RBM33: variants seen among roughly 807,000 people sequenced by gnomAD.
RBM33 encodes RNA-binding protein 33.
A neutral mutation model predicts 132.6 loss-of-function variants in RBM33; 28 were observed. That is an observed-to-expected ratio of 0.21 (90% CI 0.16 to 0.29). The LOEUF is 0.29. RBM33 is among the 10% of genes least tolerant of loss of function. The pLI, the probability that RBM33 is intolerant of heterozygous loss-of-function variation, is 1.00. For synonymous variants in RBM33, 634 were observed against 593.0 expected (o/e 1.07, Z -1.01); for missense variants, 1,291 against 1,518.5 (o/e 0.85, Z 2.49).
At chr7:155,696,880 C>T (rs1799807769) in intron 5 of RBM33, among the ~76,000 whole-genome samples, 2 of 152,066 alleles carry the variant, frequency 1.3e-5, no homozygotes, top group African/African-American at 2.4e-5. Flanking sequence ...GAAGTGCTGG[C>T]CGAGTATGCT....
rs754177553 is a variant in RBM33, at chr7:155,739,879, G to GCAC, written c.1922_1924dup (p.His641dup). 731 of 1,386,414 alleles carry GCAC rather than the reference G, an allele frequency of 5.3e-4. 1 individual carries two copies. Among genetic ancestry groups the GCAC allele is most frequent in the Non-Finnish European group, 6.1e-4 (637 of 1,045,784 alleles). 85.9% of individuals were successfully genotyped at this position (1,386,414 alleles called of 1,614,324 possible). Reference sequence around the variant, plus strand: ...CACCACAGCACCCGCCGCAGCACCAGCACCACCACCACCACCACCACCTGT... The same window carrying GCAC: ...CACCACAGCACCCGCCGCAGCACCAGCACCACCACCACCACCACCACCACCTGT... On this transcript the variant is annotated inframe_insertion, in exon 12 of 18. Transcript: ENST00000401878.
At position 155,732,995 on chromosome 7, in the gene RBM33, C is replaced by G. The variant is rs1801001119; in HGVS notation, c.1261-4535C>G. 3.3e-5 allele frequency among the ~76,000 whole-genome samples: 5 copies of G among 152,284 alleles called. No homozygotes were observed. In the South Asian group the frequency reaches 1.0e-3, roughly 32 times the overall value. On this transcript the variant is annotated intron_variant, in intron 9 of 17. Coordinates refer to ENST00000401878, the MANE Select transcript of RBM33 (RefSeq NM_053043.3). ...AGAGGAGTCAGAGGCTTGGGTATGTCTGGGCCCTGTGTCAGGCGTCTCCTG... is the reference window on the plus strand; with the variant it reads ...AGAGGAGTCAGAGGCTTGGGTATGTGTGGGCCCTGTGTCAGGCGTCTCCTG...
intron 14 of RBM33, among the ~76,000 whole-genome samples, chr7:155,759,415 CTTTTT>C (rs58449648): frequency 8.8e-6 from 1 of 114,012 alleles, no homozygotes; most frequent in Non-Finnish European, 1.8e-5. Context: ...TGTTTATGTT[CTTTTT>C]TTTTTTTTTT....
chr7:155,675,271 G>A (rs1483836745), intron 3 of RBM33, among the ~76,000 whole-genome samples: 1 of 143,642 alleles, frequency 7.0e-6, no homozygotes, highest in Non-Finnish European at 1.5e-5. Flanking sequence ...TCTAGCCTGG[G>A]AGACGGAGTG....
In RBM33 at chr7:155,737,775, G is replaced by A. The variant is rs796994519; in HGVS notation, c.1393+113G>A. ...ACTCCCAGTTGGAGATGTTAGGAAT[G>A]CCAGGTTTTTGTACCATAGCAGTTC... On this transcript the variant is annotated intron_variant, in intron 10 of 17. Coordinates refer to ENST00000401878, the MANE Select transcript of RBM33 (RefSeq NM_053043.3). 34 of 1,246,814 alleles carry A rather than the reference G, an allele frequency of 2.7e-5. No homozygotes were observed. The African/African-American group carries it at 5.0e-4, about 18-fold the overall frequency. 77.2% of individuals were successfully genotyped at this position (1,246,814 alleles called of 1,614,324 possible).
Position 155,655,641 on chromosome 7 carries a change from CAATT to C in RBM33, c.44-9532_44-9529del, listed in dbSNP as rs1798473794. Among the ~76,000 whole-genome samples the C allele has an allele frequency of 2.1e-5, 3 of 140,048 alleles. No individual in the cohort carries two copies. The South Asian group carries it at 6.9e-4, about 32-fold the overall frequency. The allele number at this position is 140,048 out of a possible 152,430, so 91.9% of individuals were successfully genotyped here. A position where few individuals can be genotyped will look rare whatever the true frequency, so the allele number is the denominator to read the frequency against. On this transcript the variant is annotated intron_variant, in intron 1 of 17. Transcript: ENST00000401878. ...GTTTTAACATGAATTAAGGCAGTGACAATTATTTATTTTATTAAATCTTGATCCT... is the reference window on the plus strand; with the variant it reads ...GTTTTAACATGAATTAAGGCAGTGACATTTATTTTATTAAATCTTGATCCT...
chr7:155,721,506 G>A (rs944424115), intron 9 of RBM33, among the ~76,000 whole-genome samples: 2 of 151,938 alleles, frequency 1.3e-5, no homozygotes, highest in Non-Finnish European at 2.9e-5. Context: ...CAAGAATGCA[G>A]CTTCATACCC....
Position 155,739,905 on chromosome 7 carries a change from C to T in RBM33, c.1928C>T (p.Ser643Phe). 6.5e-7 allele frequency: 1 copy of T among 1,549,536 alleles called. No individual in the cohort carries two copies. The highest frequency in any genetic ancestry group is 8.7e-7 in the Non-Finnish European group (1 of 1,146,622). The stretch of plus-strand genomic sequence containing the variant: ...CACCACCACCACCACCACCACCTGT[C>T]CGTCCCGCCCCCTCCTTTGATGCCG... ...HQHHHHHHHLSVPPPPLMPMS... is the reference protein window; with the variant it reads ...HQHHHHHHHLFVPPPPLMPMS... Residue 643 changes from serine (S) to phenylalanine (F), a missense_variant, in exon 12 of 18, where the codon TCC (serine) becomes TTC (phenylalanine). By Grantham distance (155) the Ser-to-Phe change is radical. Around this residue, in one of 7 missense-constraint regions of RBM33, gnomAD observed 841 missense variants for 912.0 expected, o/e 0.92. Coordinates refer to ENST00000401878, the MANE Select transcript of RBM33 (RefSeq NM_053043.3).
intron 14 of RBM33, among the ~76,000 whole-genome samples, chr7:155,756,037 T>C (rs952603775): frequency 6.6e-6 from 1 of 152,228 alleles, no homozygotes; most frequent in African/African-American, 2.4e-5. Flanking sequence ...GTAGAAGATA[T>C]TTAAAATGCT....
chr7:155,698,744 A>G (rs1420984120), intron 5 of RBM33, among the ~76,000 whole-genome samples: 1 of 152,126 alleles, frequency 6.6e-6, no homozygotes, highest in East Asian at 1.9e-4. Context: ...TTCCTTGGAG[A>G]ATATCATATA....
intron 14 of RBM33, among the ~76,000 whole-genome samples, chr7:155,754,160 A>G (rs982579935): frequency 6.6e-6 from 1 of 152,208 alleles, no homozygotes; most frequent in Non-Finnish European, 1.5e-5. Context: ...TCATTAATTT[A>G]TGATTTTTTT....
intron 9 of RBM33, among the ~76,000 whole-genome samples, chr7:155,718,969 A>G (rs58969967): frequency 6.7e-6 from 1 of 149,686 alleles, no homozygotes; most frequent in Admixed American, 6.7e-5. Flanking sequence ...TCTCTCTCTC[A>G]CACACACACA....
At chr7:155,672,505 C>G (rs1798969704) in intron 2 of RBM33, among the ~76,000 whole-genome samples, 1 of 152,032 alleles carries the variant, frequency 6.6e-6, no homozygotes, top group Middle Eastern at 3.2e-3. Context: ...GCCTGTAATC[C>G]CAACACTTTG....
At position 155,766,452 on chromosome 7, in the gene RBM33, C is replaced by A. The variant is rs1802220182; in HGVS notation, c.3187-15C>A. The A allele has an allele frequency of 2.5e-6, 4 of 1,612,240 alleles. No homozygotes were observed. Among genetic ancestry groups the A allele is most frequent in the Non-Finnish European group, 3.4e-6 (4 of 1,179,668 alleles). On this transcript the variant is annotated splice_polypyrimidine_tract_variant and intron_variant, in intron 15 of 17. Transcript: ENST00000401878. ...AGGCTTGAAACTCTGAATGTATTTC[C>A]TTTGTTGTCACCAGGCCATCATGCA...
At chr7:155,668,016 AAAAT>A (rs1798845032) in intron 2 of RBM33, among the ~76,000 whole-genome samples, 1 of 152,212 alleles carries the variant, frequency 6.6e-6, no homozygotes, top group African/African-American at 2.4e-5. Flanking sequence ...ATTTTTCTAA[AAAAT>A]AAACGGTTTA....
intron 2 of RBM33, among the ~76,000 whole-genome samples, chr7:155,667,045 T>C (rs1798819278): frequency 6.6e-6 from 1 of 152,214 alleles, no homozygotes; most frequent in Admixed American, 6.5e-5. Context: ...ATGTTGTCAT[T>C]CTAATTGTTT....
rs551774870 is a variant in RBM33, at chr7:155,713,410, C to T, written c.1201+1955C>T. ...GGACTGGGACCTAGGGCACTTGACA[C>T]AGGAGGGGGAGGGGCAGGAGGAGAA... On this transcript the variant is annotated intron_variant, in intron 8 of 17. Coordinates refer to ENST00000401878, the MANE Select transcript of RBM33 (RefSeq NM_053043.3). Among the ~76,000 whole-genome samples, 15 of 151,730 alleles carry T rather than the reference C, an allele frequency of 9.9e-5. No individual in the cohort carries two copies. The South Asian group carries it at 2.5e-3, about 25-fold the overall frequency.
intron 16 of RBM33, among the ~76,000 whole-genome samples, chr7:155,767,136 G>A (rs1489529845): frequency 6.6e-6 from 1 of 152,192 alleles, no homozygotes; most frequent in East Asian, 1.9e-4. Flanking sequence ...TTTAAAGCTG[G>A]CTAACTCTAA....
intron 9 of RBM33, among the ~76,000 whole-genome samples, chr7:155,718,963 TC>T (rs1800544976): frequency 1.3e-5 from 2 of 152,252 alleles, no homozygotes; most frequent in South Asian, 2.1e-4. Flanking sequence ...TCTCTCTCTC[TC>T]TCTCACACAC....
Sources: gnomAD v4.1 joint callset for allele counts (sites outside exome capture counted in the v4.1 genomes callset) on GRCh38, gnomAD v4.1.1 for gene constraint, gnomAD v4.1.1 regional missense constraint, MANE v1.5 for transcripts, NCBI Gene and HGNC (gene_info 2026-07-23, HGNC 2026-07-21) for gene names.